CDH18: variants seen among roughly 807,000 people sequenced by gnomAD.
CDH18 encodes cadherin-18.
In CDH18, 31 loss-of-function variants were observed where a neutral mutation model predicts 67.9. The ratio of observed to expected loss-of-function variants is 0.46; its 90% confidence interval spans 0.34 to 0.62. The LOEUF is 0.62. Among genes scored for constraint, CDH18 ranks in the 20% least tolerant of loss-of-function variants. The pLI is 0.01. For missense variants in CDH18, 890 were observed against 975.5 expected (o/e 0.91, Z 1.17); for synonymous variants, 362 against 347.2 (o/e 1.04, Z -0.48).
At chr5:20,414,506 T>C (rs1747105414) in intron 1 of CDH18, among the ~76,000 whole-genome samples, 1 of 152,160 alleles carries the variant, frequency 6.6e-6, no homozygotes, top group South Asian at 2.1e-4. Flanking sequence ...CTTCCTATTA[T>C]TATGTTCACT....
chr5:20,507,132 T>C (rs1051438289), intron 1 of CDH18, among the ~76,000 whole-genome samples: 1 of 152,216 alleles, frequency 6.6e-6, no homozygotes. Flanking sequence ...GAGAGATATC[T>C]TGGAAGTTGA....
At chr5:19,752,750 A>G (rs1187164344) in intron 3 of CDH18, among the ~76,000 whole-genome samples, 1 of 152,146 alleles carries the variant, frequency 6.6e-6, no homozygotes, top group Non-Finnish European at 1.5e-5. Context: ...TTAAACCACC[A>G]AAGTTAAGAA....
At chr5:20,445,008 T>C (rs1749901642) in intron 1 of CDH18, among the ~76,000 whole-genome samples, 2 of 152,188 alleles carry the variant, frequency 1.3e-5, no homozygotes, top group Non-Finnish European at 2.9e-5. Context: ...TTAAGCTTTG[T>C]TGACCGTCTA....
At chr5:19,512,401 C>T (rs1745267257) in intron 10 of CDH18, among the ~76,000 whole-genome samples, 1 of 151,996 alleles carries the variant, frequency 6.6e-6, no homozygotes, top group Admixed American at 6.6e-5. Flanking sequence ...ATTTTTAGAT[C>T]TCTGAGTAAT....
intron 6 of CDH18, among the ~76,000 whole-genome samples, chr5:19,603,765 C>T (rs1332440259): frequency 6.7e-6 from 1 of 150,004 alleles, no homozygotes; most frequent in South Asian, 2.1e-4. Flanking sequence ...GGGCAATGTG[C>T]ATTTTTCAAT....
intron 9 of CDH18, among the ~76,000 whole-genome samples, chr5:19,534,131 TAAA>T (rs141254845): frequency 6.6e-6 from 1 of 152,046 alleles, no homozygotes; most frequent in Non-Finnish European, 1.5e-5. Context: ...GTGTAGAACC[TAAA>T]AGGTATGAAA....
chr5:20,138,005 C>T (rs544676840), intron 2 of CDH18, among the ~76,000 whole-genome samples: 1 of 152,024 alleles, frequency 6.6e-6, no homozygotes, highest in East Asian at 1.9e-4. Flanking sequence ...TGCAGAGACA[C>T]AACAAAAAAA....
At chr5:19,980,667 T>C (rs1410266743) in intron 2 of CDH18, among the ~76,000 whole-genome samples, 1 of 152,168 alleles carries the variant, frequency 6.6e-6, no homozygotes, top group Non-Finnish European at 1.5e-5. Context: ...CAGGCCGTTA[T>C]GTTTTTAACA....
At chr5:19,720,886 T>TTA (rs777676362) in intron 5 of CDH18, among the ~76,000 whole-genome samples, 16 of 152,138 alleles carry the variant, frequency 1.1e-4, no homozygotes, top group African/African-American at 1.4e-4. Flanking sequence ...CAATACAATT[T>TTA]TATATATATG....
rs1770089497 is a variant in CDH18, at chr5:19,746,997, A to G, written c.468T>C (p.Ala156=). The part of the protein sequence containing the change: ...IIKVQDINDN[A]PKFTDGPYIV... ...TGTATGGTCCATCTGTGAATTTTGG[A>G]GCGTTGTCATTGATGTCTTGCACTT... Residue 156 remains alanine, a synonymous_variant, in exon 4 of 13, where the codon GCT becomes GCC. Transcript: ENST00000382275. 2.5e-6 allele frequency: 4 copies of G among 1,614,102 alleles called. No individual in the cohort carries two copies. In the East Asian group the frequency reaches 8.9e-5, roughly 36 times the overall value.
At chr5:19,835,371 G>T (rs1781504275) in intron 3 of CDH18, among the ~76,000 whole-genome samples, 1 of 151,998 alleles carries the variant, frequency 6.6e-6, no homozygotes, top group African/African-American at 2.4e-5. Flanking sequence ...GCCTGTTGGG[G>T]GGTGGGGAGG....
At chr5:20,143,296 A>T (rs183912882) in intron 2 of CDH18, among the ~76,000 whole-genome samples, 37 of 152,302 alleles carry the variant, frequency 2.4e-4, no homozygotes, top group African/African-American at 8.7e-4. Flanking sequence ...ATATGAATTG[A>T]TTGAGATGGA....
intron 2 of CDH18, among the ~76,000 whole-genome samples, chr5:20,141,154 A>T (rs1489691824): frequency 6.6e-6 from 1 of 152,178 alleles, no homozygotes. Flanking sequence ...ACTTGTAAGT[A>T]GTATTATACC....
chr5:19,848,109 C>T (rs1581628679), intron 2 of CDH18: 2 of 152,294 alleles, frequency 1.3e-5, no homozygotes. Context: ...CAGCCTCTGT[C>T]TTCTGTGGCA....
chr5:19,522,076 C>T (rs2126911975), intron 9 of CDH18, among the ~76,000 whole-genome samples: 1 of 151,174 alleles, frequency 6.6e-6, no homozygotes, highest in Middle Eastern at 3.4e-3. Context: ...TTGTTTAGCT[C>T]AACAAAAAAA....
intron 2 of CDH18, among the ~76,000 whole-genome samples, chr5:20,207,096 A>C (rs533842022): frequency 1.3e-5 from 2 of 152,112 alleles, no homozygotes; most frequent in African/African-American, 4.8e-5. Flanking sequence ...AGAAAAAAAA[A>C]CACTAAAGAC....
intron 2 of CDH18, among the ~76,000 whole-genome samples, chr5:20,248,655 C>G (rs1215920826): frequency 6.6e-6 from 1 of 152,190 alleles, no homozygotes; most frequent in East Asian, 1.9e-4. Flanking sequence ...ATAAGTCAAC[C>G]CTGTGTGACC....
chr5:20,036,064 T>A lies in CDH18; in HGVS notation c.-517-44050A>T, dbSNP rs377318457. Among the ~76,000 whole-genome samples, 55 of 152,142 alleles carry A rather than the reference T, an allele frequency of 3.6e-4. 2 individuals are homozygous for A. The East Asian group carries it at 9.9e-3, about 27-fold the overall frequency. ...CTCACAACAGTATATTAGAAAGTCA[T>A]TAAGGCATTTGACAAAATTATTTAT... On this transcript the variant is annotated intron_variant, in intron 2 of 14. Coordinates refer to the CDH18 transcript ENST00000507958.
intron 5 of CDH18, among the ~76,000 whole-genome samples, chr5:19,639,493 C>G (rs960454168): frequency 5.9e-5 from 9 of 152,250 alleles, no homozygotes; most frequent in African/African-American, 1.9e-4. Flanking sequence ...GGGAAGTACC[C>G]CTGCATCTTT....
Sources: gnomAD v4.1 joint callset for allele counts (sites outside exome capture counted in the v4.1 genomes callset) on GRCh38, gnomAD v4.1.1 for gene constraint, MANE v1.5 for transcripts, NCBI Gene and HGNC (gene_info 2026-07-23, HGNC 2026-07-21) for gene names.